CDH11: variants seen among roughly 807,000 people sequenced by gnomAD.
CDH11 encodes cadherin 11.
CDH11 carries 11 observed loss-of-function variants against 67.8 expected under a neutral mutation model. That is an observed-to-expected ratio of 0.16 (90% CI 0.10 to 0.27). CDH11 has a LOEUF of 0.27. Among genes scored for constraint, CDH11 ranks in the 10% least tolerant of loss-of-function variants. The pLI is 1.00. For synonymous variants in CDH11, 419 were observed against 400.0 expected (o/e 1.05, Z -0.57); for missense variants, 847 against 1,031.2 (o/e 0.82, Z 2.45).
At chr16:65,044,492 A>G (rs887671218) in intron 2 of CDH11, among the ~76,000 whole-genome samples, 4 of 152,182 alleles carry the variant, frequency 2.6e-5, no homozygotes, top group African/African-American at 4.8e-5. Flanking sequence ...TCATGAAGAT[A>G]CATGTACCCA....
At chr16:65,003,108 G>C (rs1262088674) in intron 3 of CDH11, among the ~76,000 whole-genome samples, 3 of 140,484 alleles carry the variant, frequency 2.1e-5, no homozygotes, top group Admixed American at 7.1e-5. Flanking sequence ...TGAGATGGAG[G>C]CCTTTGTCTC....
chr16:65,035,305 T>C (rs1184507621), intron 2 of CDH11, among the ~76,000 whole-genome samples: 2 of 152,236 alleles, frequency 1.3e-5, no homozygotes, highest in Non-Finnish European at 2.9e-5. Context: ...TTATTACCTT[T>C]ATCTTACAAA....
At chr16:65,091,076 G>T (rs560011486) in intron 1 of CDH11, among the ~76,000 whole-genome samples, 1 of 152,340 alleles carries the variant, frequency 6.6e-6, no homozygotes, top group African/African-American at 2.4e-5. Context: ...GTAAGTTGAA[G>T]TCAGACTGAA....
At position 65,122,037 on chromosome 16, in the gene CDH11, C is replaced by T; in HGVS notation, c.-455G>A. 1.5e-6 allele frequency: 1 copy of T among 684,546 alleles called. No homozygotes were observed. The allele number at this position is 684,546 out of a possible 1,614,324, so 42.4% of individuals were successfully genotyped here. ...CATCTGCTCCTCGGCCCGCGACGCT[C>T]CCCTCAGCTGGCGGCGGCCGCGGAA... On this transcript the variant is annotated 5_prime_UTR_variant, in exon 1 of 13. Transcript: ENST00000268603.
chr16:65,106,811 C>G (rs1028000504), intron 1 of CDH11, among the ~76,000 whole-genome samples: 1 of 152,104 alleles, frequency 6.6e-6, no homozygotes, highest in Non-Finnish European at 1.5e-5. Flanking sequence ...AACACAACTT[C>G]TTTCTGCCTA....
At chr16:64,973,699 C>T (rs557325527) in intron 8 of CDH11, among the ~76,000 whole-genome samples, 112 of 152,032 alleles carry the variant, frequency 7.4e-4, no homozygotes, top group Non-Finnish European at 1.0e-3. Flanking sequence ...CCCAGTTACT[C>T]GGGAGGCTGA....
At chr16:65,091,907 G>A (rs1201743839) in intron 1 of CDH11, among the ~76,000 whole-genome samples, 3 of 152,098 alleles carry the variant, frequency 2.0e-5, no homozygotes, top group South Asian at 2.1e-4. Flanking sequence ...ATTGGCTAGT[G>A]TATCTTTAAA....
chr16:65,120,526 G>A (rs1262738539), intron 1 of CDH11, among the ~76,000 whole-genome samples: 2 of 152,168 alleles, frequency 1.3e-5, no homozygotes, highest in Non-Finnish European at 2.9e-5. Flanking sequence ...TTTCTTTAGG[G>A]GGAGACGAAG....
chr16:65,074,520 C>T (rs1188350393), intron 1 of CDH11, among the ~76,000 whole-genome samples: 13 of 152,144 alleles, frequency 8.5e-5, no homozygotes, highest in Admixed American at 8.5e-4. Context: ...TATACACACA[C>T]ACAATATGTG....
intron 1 of CDH11, among the ~76,000 whole-genome samples, chr16:65,064,373 T>C (rs1405949424): frequency 6.6e-6 from 1 of 152,226 alleles, no homozygotes; most frequent in African/African-American, 2.4e-5. Context: ...GGTGATAATA[T>C]GTGCACATCA....
intron 2 of CDH11, among the ~76,000 whole-genome samples, chr16:65,027,700 G>T (rs1461498189): frequency 6.6e-6 from 1 of 152,196 alleles, no homozygotes; most frequent in Non-Finnish European, 1.5e-5. Flanking sequence ...TGAAACCACA[G>T]AAATATAGTT....
chr16:65,063,237 C>T (rs753726137), intron 1 of CDH11, among the ~76,000 whole-genome samples: 23 of 152,058 alleles, frequency 1.5e-4, no homozygotes, highest in Non-Finnish European at 2.6e-4. Context: ...CACACAAACA[C>T]AAAACACATA....
At chr16:64,961,776 C>T (rs1247130978) in intron 11 of CDH11, among the ~76,000 whole-genome samples, 1 of 151,924 alleles carries the variant, frequency 6.6e-6, no homozygotes, top group African/African-American at 2.4e-5. Flanking sequence ...TTTATAATTA[C>T]CAGGTCACTA....
intron 1 of CDH11, among the ~76,000 whole-genome samples, chr16:65,092,428 G>T (rs2074807586): frequency 6.6e-6 from 1 of 152,168 alleles, no homozygotes; most frequent in South Asian, 2.1e-4. Context: ...TCAGCCCAGG[G>T]AGACCAAAGT....
chr16:65,014,746 A>G (rs1261703940), intron 2 of CDH11, among the ~76,000 whole-genome samples: 1 of 152,170 alleles, frequency 6.6e-6, no homozygotes, highest in Non-Finnish European at 1.5e-5. Context: ...AACTGAAAAG[A>G]TTAGGTTAGA....
intron 8 of CDH11, among the ~76,000 whole-genome samples, chr16:64,974,874 T>C (rs1300041339): frequency 6.6e-6 from 1 of 152,180 alleles, no homozygotes; most frequent in African/African-American, 2.4e-5. Flanking sequence ...GAGTTTTGGG[T>C]TTTGGAAGTC....
intron 1 of CDH11, among the ~76,000 whole-genome samples, chr16:65,054,178 G>A (rs975097377): frequency 6.6e-6 from 1 of 152,192 alleles, no homozygotes; most frequent in African/African-American, 2.4e-5. Flanking sequence ...AATGATAAAA[G>A]CAATCCTACA....
chr16:65,050,457 T>A (rs2074035817), intron 2 of CDH11, among the ~76,000 whole-genome samples: 1 of 152,220 alleles, frequency 6.6e-6, no homozygotes, highest in Non-Finnish European at 1.5e-5. Flanking sequence ...CTTTGTGGCA[T>A]GTCATAGGTG....
intron 11 of CDH11, among the ~76,000 whole-genome samples, chr16:64,953,362 G>T (rs2142377686): frequency 6.6e-6 from 1 of 151,918 alleles, no homozygotes; most frequent in African/African-American, 2.4e-5. Context: ...GAATATTGCA[G>T]ATGGTGAGGT....
Sources: gnomAD v4.1 joint callset for allele counts (sites outside exome capture counted in the v4.1 genomes callset) on GRCh38, gnomAD v4.1.1 for gene constraint, MANE v1.5 for transcripts, NCBI Gene and HGNC (gene_info 2026-07-23, HGNC 2026-07-21) for gene names.